Variants in HAPLN2 observed in about 807,000 individuals in gnomAD.
The protein encoded by HAPLN2 is hyaluronan and proteoglycan link protein 2.
Under a neutral mutation model 29.3 loss-of-function variants are expected in HAPLN2, and 27 were observed. The observed-to-expected ratio is 0.92, with a 90% CI of 0.68 to 1.27. The LOEUF (loss-of-function observed/expected upper bound fraction) is 1.27. Among genes scored for constraint, HAPLN2 ranks in the 50% most tolerant of loss-of-function variants. The pLI, the probability that HAPLN2 is intolerant of heterozygous loss-of-function variation, is 0.00. For missense variants in HAPLN2, 454 were observed against 484.3 expected (o/e 0.94, Z 0.59); for synonymous variants, 208 against 211.7 (o/e 0.98, Z 0.15).
chr1:156,618,305 CAAAAAAA>C (rs57219264), upstream of HAPLN2, among the ~76,000 whole-genome samples: 32 of 103,202 alleles, frequency 3.1e-4, no homozygotes, highest in Admixed American at 5.6e-4. Context: ...GACTCTGTCT[CAAAAAAA>C]AAAAAAAAAA....
At chr1:156,609,897 C>T in the HAPLN2 span, among the ~76,000 whole-genome samples, 1 of 152,064 alleles carries the variant, frequency 6.6e-6, no homozygotes, top group Non-Finnish European at 1.5e-5. Flanking sequence ...TGCACATGTA[C>T]CCCTGAACAT....
At chr1:156,615,368 G>A (rs1218218519), upstream of HAPLN2, 1 of 152,204 alleles carries the variant, frequency 6.6e-6, no homozygotes, top group African/African-American at 2.4e-5. Context: ...ACCAGGCTGA[G>A]TTCAATGTTG....
chr1:156,609,263 C>G, the HAPLN2 span, among the ~76,000 whole-genome samples: 1 of 152,214 alleles, frequency 6.6e-6, no homozygotes, highest in Non-Finnish European at 1.5e-5. Context: ...TACAGCCTTC[C>G]TGCCCCACCT....
At chr1:156,618,756 G>C (rs1678127173), upstream of HAPLN2, among the ~76,000 whole-genome samples, 1 of 130,516 alleles carries the variant, frequency 7.7e-6, no homozygotes, top group Admixed American at 9.0e-5. Context: ...TCCAGCCTGA[G>C]CGACAGTGCG....
chr1:156,623,904 C>T lies in HAPLN2; in HGVS notation c.183C>T (p.Thr61=). The T allele has an allele frequency of 1.3e-6, 2 of 1,599,562 alleles. No individual in the cohort carries two copies. The highest frequency in any genetic ancestry group is 1.7e-6 in the Non-Finnish European group (2 of 1,173,118). ...ATATLPCVLG[T]TPPSYKVRWS... ...CCACGCTGCCCTGCGTCCTGGGCAC[C>T]ACGCCTCCCAGCTACAAGGTGCGCT... The change falls in exon 4 of 7, where the codon ACC becomes ACT. Residue 61 remains threonine, a synonymous_variant. Transcript: ENST00000255039.
At chr1:156,624,909 G>GGGGGGGGCC in intron 6 of HAPLN2, 126 bp downstream of exon 6, 1 of 999,518 alleles carries the variant, frequency 1.0e-6, no homozygotes, top group Non-Finnish European at 1.4e-6. Flanking sequence ...CCCCCCATCA[G>GGGGGGGGCC]CCCGCCCGCC....
intron 2 of HAPLN2, 97 bp from the exon 3 acceptor site, chr1:156,623,370 C>G: frequency 9.7e-7 from 1 of 1,027,796 alleles, no homozygotes; most frequent in Non-Finnish European, 1.4e-6. Context: ...GCTGGACAGT[C>G]CCTTCTAGGA....
the HAPLN2 span, among the ~76,000 whole-genome samples, chr1:156,610,150 G>A: frequency 7.9e-5 from 12 of 152,046 alleles, no homozygotes; most frequent in African/African-American, 2.9e-4. Flanking sequence ...GGAGGTGGAG[G>A]TTCCAATGAG....
chr1:156,602,922 C>T, the HAPLN2 span, among the ~76,000 whole-genome samples: 2 of 152,086 alleles, frequency 1.3e-5, no homozygotes, highest in Non-Finnish European at 2.9e-5. Flanking sequence ...CCCCTAGAAA[C>T]TTCCAAACAG....
At position 156,623,648 on chromosome 1, in the gene HAPLN2, C is replaced by T. The variant is rs1219514164; in HGVS notation, c.85+73C>T. 10 of 1,587,880 alleles carry T rather than the reference C, an allele frequency of 6.3e-6. No homozygotes were observed. In the Admixed American group the frequency reaches 7.1e-5, roughly 11 times the overall value. On this transcript the variant is annotated intron_variant, in intron 3 of 6. Coordinates refer to ENST00000255039, the MANE Select transcript of HAPLN2 (RefSeq NM_021817.3). ...GCAAGGGTGGGGAAAGGGGAAAGGG[C>T]AGTTGTTGCAGGTACCCAGGGACTG...
At chr1:156,613,689 G>T in the HAPLN2 span, among the ~76,000 whole-genome samples, 1 of 152,028 alleles carries the variant, frequency 6.6e-6, no homozygotes, top group Non-Finnish European at 1.5e-5. Flanking sequence ...GCCAAGGCGG[G>T]TAGATCACTT....
chr1:156,610,485 A>G, the HAPLN2 span, among the ~76,000 whole-genome samples: 1 of 151,984 alleles, frequency 6.6e-6, no homozygotes. Flanking sequence ...TAAAAATACA[A>G]AAAAATTAGC....
intron 2 of HAPLN2, among the ~76,000 whole-genome samples, 192 bp from the exon 3 acceptor site, chr1:156,623,261 CAGAGGAAGAGAGGG>C: frequency 6.6e-6 from 1 of 151,856 alleles, no homozygotes; most frequent in Non-Finnish European, 1.5e-5. Context: ...GAGGATGTGA[CAGAGGAAGAGAGGG>C]AGAGGAAGGG....
At position 156,624,840 on chromosome 1, in the gene HAPLN2, G is replaced by A. The variant is rs903879439; in HGVS notation, c.739+57G>A. The A allele has an allele frequency of 7.6e-6, 11 of 1,438,752 alleles. No individual in the cohort carries two copies. The African/African-American group carries it at 1.4e-4, about 19-fold the overall frequency. The allele number at this position is 1,438,752 out of a possible 1,614,324, so 89.1% of individuals were successfully genotyped here. On this transcript the variant is annotated intron_variant, in intron 6 of 6. Coordinates refer to ENST00000255039, the MANE Select transcript of HAPLN2 (RefSeq NM_021817.3). ...GAGGGGTCTGAAAAATGTGGGGGAC[G>A]AGGAGTGGACCTCAGCTTGAGATCA...
the HAPLN2 span, among the ~76,000 whole-genome samples, chr1:156,611,108 C>G: frequency 6.6e-6 from 1 of 151,656 alleles, no homozygotes; most frequent in Non-Finnish European, 1.5e-5. Context: ...CTGGTGAATC[C>G]CCATCTCTAC....
chr1:156,606,142 T>A, the HAPLN2 span, among the ~76,000 whole-genome samples: 1 of 151,974 alleles, frequency 6.6e-6, no homozygotes, highest in African/African-American at 2.4e-5. Context: ...CAGGCGCCTA[T>A]AATCCCAGCT....
chr1:156,620,460 C>A (rs1228867652), intron 2 of HAPLN2, among the ~76,000 whole-genome samples: 1 of 152,156 alleles, frequency 6.6e-6, no homozygotes, highest in Non-Finnish European at 1.5e-5. Flanking sequence ...GTGTCAGGCA[C>A]ATTCAATTTT....
chr1:156,624,724 GA>G lies in HAPLN2; in HGVS notation c.681del (p.Arg229AlafsTer28). The G allele has an allele frequency of 7.6e-6, 12 of 1,571,608 alleles. No individual in the cohort carries two copies. The highest frequency in any genetic ancestry group is 1.0e-5 in the Non-Finnish European group (12 of 1,165,408). ...GRGRPGIRSY[G>X]PRDRMRDRYD... ...GGCCGGCCCGGGATCCGCAGCTACG[GA>G]CCCCGCGACCGGATGCGCGACCGCT... is the stretch of plus-strand genomic sequence containing the variant. On this transcript the variant is annotated frameshift_variant, in exon 6 of 7. Coordinates refer to ENST00000255039, the MANE Select transcript of HAPLN2 (RefSeq NM_021817.3). LOFTEE classifies it high-confidence loss of function.
chr1:156,623,451 T>C lies in HAPLN2; in HGVS notation c.-24-16T>C, dbSNP rs368705677. The C allele has an allele frequency of 2.2e-5, 35 of 1,609,996 alleles. No individual in the cohort carries two copies. The highest frequency in any genetic ancestry group is 2.3e-5 in the Non-Finnish European group (27 of 1,178,018). ...TGCCCCAGTCCTAAGAACTGCCCAC[T>C]CTTTGTGCCCTGCAGACGGTGCCGG... is the stretch of plus-strand genomic sequence containing the variant. On this transcript the variant is annotated splice_polypyrimidine_tract_variant and intron_variant, in intron 2 of 6. Coordinates refer to ENST00000255039, the MANE Select transcript of HAPLN2 (RefSeq NM_021817.3).
Sources: gnomAD v4.1 joint callset for allele counts (sites outside exome capture counted in the v4.1 genomes callset) on GRCh38, gnomAD v4.1.1 for gene constraint, MANE v1.5 for transcripts, NCBI Gene and HGNC (gene_info 2026-07-23, HGNC 2026-07-21) for gene names.